Variants in ENPP6 observed in about 807,000 individuals in gnomAD.
ENPP6 encodes the protein ectonucleotide pyrophosphatase/phosphodiesterase 6.
In ENPP6, 32 loss-of-function variants were observed where a neutral mutation model predicts 42.0. The ratio of observed to expected loss-of-function variants is 0.76; its 90% confidence interval spans 0.58 to 1.02. The LOEUF (loss-of-function observed/expected upper bound fraction) is 1.02. ENPP6 is among the 50% of genes least tolerant of loss of function. The pLI is 0.00. For synonymous variants in ENPP6, 213 were observed against 216.0 expected (o/e 0.99, Z 0.12); for missense variants, 552 against 566.8 (o/e 0.97, Z 0.27).
intron 2 of ENPP6, among the ~76,000 whole-genome samples, chr4:184,147,457 C>A (rs1465835025): frequency 2.0e-5 from 3 of 152,200 alleles, no homozygotes; most frequent in Non-Finnish European, 4.4e-5. Context: ...TTAAAACCTT[C>A]CAGTGACTTC....
chr4:184,102,673 G>T (rs12501526), intron 6 of ENPP6, among the ~76,000 whole-genome samples: 55,995 of 151,904 alleles, frequency 0.37, 11,295 homozygotes, highest in East Asian at 0.59. Context: ...AGGCGCTGTT[G>T]CAGGGCCTTG....
intron 1 of ENPP6, among the ~76,000 whole-genome samples, chr4:184,206,979 A>C (rs1733011383): frequency 1.3e-5 from 2 of 152,214 alleles, no homozygotes; most frequent in Non-Finnish European, 2.9e-5. Flanking sequence ...TTACTGTGTG[A>C]GAACGGGACC....
In ENPP6 at chr4:184,212,324, G is replaced by T. The variant is rs1332944035; in HGVS notation, c.241+5255C>A. On this transcript the variant is annotated intron_variant, in intron 1 of 7. Coordinates refer to ENST00000296741, the MANE Select transcript of ENPP6 (RefSeq NM_153343.4). The stretch of plus-strand genomic sequence containing the variant: ...GTCCCTGTTTGCAGATGACATGATT[G>T]TATATCTAGAAAACCCCATTGTCTC... Among the ~76,000 whole-genome samples the T allele has an allele frequency of 2.9e-3, 443 of 150,674 alleles. 9 individuals are homozygous for T. The highest frequency in any genetic ancestry group is 0.011 in the African/African-American group (428 of 40,510).
At chr4:184,168,914 T>C (rs1031577371) in intron 1 of ENPP6, among the ~76,000 whole-genome samples, 1 of 151,786 alleles carries the variant, frequency 6.6e-6, no homozygotes, top group Non-Finnish European at 1.5e-5. Flanking sequence ...CGCTTCCTCA[T>C]TCCCCCACCC....
At chr4:184,110,984 C>T (rs1308942574) in intron 6 of ENPP6, among the ~76,000 whole-genome samples, 1 of 152,122 alleles carries the variant, frequency 6.6e-6, no homozygotes, top group Non-Finnish European at 1.5e-5. Context: ...AGGGCTGAAG[C>T]TGCTTCCCCA....
At chr4:184,214,337 G>T (rs925483674) in intron 1 of ENPP6, among the ~76,000 whole-genome samples, 7 of 152,134 alleles carry the variant, frequency 4.6e-5, no homozygotes, top group Non-Finnish European at 7.4e-5. Flanking sequence ...CTTTTGTCCT[G>T]ATATAAACAT....
intron 1 of ENPP6, among the ~76,000 whole-genome samples, chr4:184,187,122 T>G (rs1732645606): frequency 1.3e-5 from 2 of 152,164 alleles, no homozygotes; most frequent in Non-Finnish European, 2.9e-5. Context: ...AGGTCTGGCA[T>G]CTGTGAGAGG....
At chr4:184,202,614 G>C (rs558660729) in intron 1 of ENPP6, among the ~76,000 whole-genome samples, 16 of 152,248 alleles carry the variant, frequency 1.1e-4, no homozygotes, top group African/African-American at 3.9e-4. Context: ...AACTATCCAT[G>C]ATCACAATGT....
At chr4:184,096,287 T>C (rs1735900581) in intron 7 of ENPP6, among the ~76,000 whole-genome samples, 1 of 152,210 alleles carries the variant, frequency 6.6e-6, no homozygotes. Flanking sequence ...AGCTTGTAGA[T>C]GTGATGTGTA....
chr4:184,163,087 A>G lies in ENPP6; in HGVS notation c.242-9354T>C, dbSNP rs1242293525. On this transcript the variant is annotated intron_variant, in intron 1 of 7. Coordinates refer to ENST00000296741, the MANE Select transcript of ENPP6 (RefSeq NM_153343.4). Reference sequence around the variant, plus strand: ...AGGCAAACAGAGGCTCTCCAGTGCAAGGGCCAGGGAAAATCCTAAGACGTG... The same window carrying G: ...AGGCAAACAGAGGCTCTCCAGTGCAGGGGCCAGGGAAAATCCTAAGACGTG... Among the ~76,000 whole-genome samples the G allele has an allele frequency of 2.6e-5, 4 of 152,212 alleles. No homozygotes were observed. In the East Asian group the frequency reaches 7.7e-4, roughly 29 times the overall value.
At chr4:184,186,891 C>G (rs975046995) in intron 1 of ENPP6, among the ~76,000 whole-genome samples, 5 of 152,124 alleles carry the variant, frequency 3.3e-5, no homozygotes, top group African/African-American at 7.2e-5. Context: ...CACACTACCC[C>G]CCTACTCAGA....
chr4:184,144,740 G>A (rs759279214), intron 2 of ENPP6, among the ~76,000 whole-genome samples: 23 of 152,202 alleles, frequency 1.5e-4, no homozygotes, highest in African/African-American at 2.2e-4. Flanking sequence ...AACAAGCTCC[G>A]AGCAGGCAGG....
intron 2 of ENPP6, among the ~76,000 whole-genome samples, chr4:184,152,899 G>C (rs1215865371): frequency 6.6e-6 from 1 of 150,560 alleles, no homozygotes; most frequent in Non-Finnish European, 1.5e-5. Flanking sequence ...TTGTAGAGGA[G>C]CTCAATGACG....
At chr4:184,096,673 G>A (rs1215647868) in intron 7 of ENPP6, among the ~76,000 whole-genome samples, 1 of 152,096 alleles carries the variant, frequency 6.6e-6, no homozygotes, top group Non-Finnish European at 1.5e-5. Context: ...GGTCAAGAAA[G>A]ACACAGCAAA....
chr4:184,140,144 C>T (rs1483107649), intron 2 of ENPP6, among the ~76,000 whole-genome samples: 4 of 151,796 alleles, frequency 2.6e-5, no homozygotes, highest in Non-Finnish European at 5.9e-5. Context: ...TTTTTGGCTG[C>T]ATAAATGTCT....
intron 1 of ENPP6, among the ~76,000 whole-genome samples, chr4:184,214,357 C>A (rs1733164705): frequency 6.6e-6 from 1 of 152,134 alleles, no homozygotes; most frequent in Non-Finnish European, 1.5e-5. Context: ...TGTTTTGAGG[C>A]AAATAAATAA....
chr4:184,117,892 C>T lies in ENPP6; in HGVS notation c.542G>A (p.Arg181Gln), dbSNP rs143413078. The change falls in exon 4 of 8, where the codon CGG becomes CAG. Residue 181 changes from arginine (R) to glutamine (Q), a missense_variant. By Grantham distance (43) the Arg-to-Gln change is conservative. Transcript: ENST00000296741. The part of the protein sequence containing the change: ...SDALDSFKSG[R>Q]ADLAAIYHER... ...ATGGTATATGGCTGCCAGGTCGGCC[C>T]GGCCACTCCTGGAGGGACAGAGGAG... 33 of 1,614,002 alleles carry T rather than the reference C, an allele frequency of 2.0e-5. No individual in the cohort carries two copies. Among genetic ancestry groups the T allele is most frequent in the Middle Eastern group, 1.7e-4 (1 of 6,028 alleles).
chr4:184,202,406 G>A, intron 1 of ENPP6, among the ~76,000 whole-genome samples: 1 of 152,156 alleles, frequency 6.6e-6, no homozygotes, highest in Non-Finnish European at 1.5e-5. Flanking sequence ...AAGGATAGAT[G>A]CGGTGAAGTC....
chr4:184,200,925 A>C (rs1279630500), intron 1 of ENPP6, among the ~76,000 whole-genome samples: 1 of 152,162 alleles, frequency 6.6e-6, no homozygotes, highest in East Asian at 1.9e-4. Flanking sequence ...TCAAGAAGTA[A>C]AGATCTTCAG....
Sources: gnomAD v4.1 joint callset for allele counts (sites outside exome capture counted in the v4.1 genomes callset) on GRCh38, gnomAD v4.1.1 for gene constraint, MANE v1.5 for transcripts, NCBI Gene and HGNC (gene_info 2026-07-23, HGNC 2026-07-21) for gene names.